C7: variants seen among roughly 807,000 people sequenced by gnomAD.
C7 encodes the protein complement C7.
Under a neutral mutation model 104.8 loss-of-function variants are expected in C7, and 83 were observed. The ratio of observed to expected loss-of-function variants is 0.79; its 90% CI spans 0.66 to 0.95. The LOEUF (loss-of-function observed/expected upper bound fraction) is 0.95. Ranked by LOEUF, C7 falls within the 40% of genes least tolerant of loss-of-function variation. The pLI is 0.00. For missense variants in C7, 1,070 were observed against 1,011.2 expected, an observed-to-expected ratio of 1.06 and a Z score of -0.79; for synonymous variants, 415 against 360.6, an observed-to-expected ratio of 1.15 and a Z score of -1.71.
intron 6 of C7, among the ~76,000 whole-genome samples, chr5:40,940,552 A>C (rs531764238): frequency 1.4e-4 from 22 of 152,342 alleles, no homozygotes; most frequent in Admixed American, 3.3e-4. Context: ...CAAATTAAAA[A>C]CAAAAACAAA....
At chr5:40,966,436 A>G (rs1439548131) in intron 14 of C7, among the ~76,000 whole-genome samples, 1 of 151,752 alleles carries the variant, frequency 6.6e-6, no homozygotes, top group Non-Finnish European at 1.5e-5. Flanking sequence ...CAGTGGCACA[A>G]TCTCAGCTCA....
intron 1 of C7, among the ~76,000 whole-genome samples, chr5:40,922,652 G>T (rs576343771): frequency 1.6e-3 from 239 of 146,436 alleles, no homozygotes; most frequent in African/African-American, 5.9e-3. Context: ...AGTGAGCCAA[G>T]ATCGCACTAC....
chr5:40,935,127 T>C (rs777516494), intron 4 of C7, among the ~76,000 whole-genome samples: 15 of 152,220 alleles, frequency 9.9e-5, no homozygotes, highest in Non-Finnish European at 2.2e-4. Flanking sequence ...GTGATACCTG[T>C]TGAACGCTTA....
chr5:40,938,210 C>T (rs905881200), intron 6 of C7, among the ~76,000 whole-genome samples: 2 of 152,138 alleles, frequency 1.3e-5, no homozygotes, highest in African/African-American at 4.8e-5. Flanking sequence ...TCTCTGATCA[C>T]ATCCCTCTCA....
intron 13 of C7, among the ~76,000 whole-genome samples, chr5:40,962,551 TGTAGGCCCTGGGATGAA>T (rs1290563572): frequency 5.9e-5 from 9 of 152,130 alleles, no homozygotes; most frequent in Non-Finnish European, 4.4e-5. Flanking sequence ...CCCTCATAAC[TGTAGGCCCTGGGATGAA>T]GTATTAGGTT....
At chr5:40,941,762 G>A (rs1295312045) in intron 6 of C7, among the ~76,000 whole-genome samples, 1 of 152,134 alleles carries the variant, frequency 6.6e-6, no homozygotes, top group Admixed American at 6.5e-5. Context: ...CCTCTGAGAT[G>A]GGTAAAGACC....
chr5:40,965,569 G>T (rs1740525608), intron 14 of C7, among the ~76,000 whole-genome samples: 1 of 151,636 alleles, frequency 6.6e-6, no homozygotes, highest in South Asian at 2.1e-4. Flanking sequence ...GATAAATCAA[G>T]CTTGCTTTTG....
chr5:40,935,960 A>G (rs1349581077), intron 4 of C7, among the ~76,000 whole-genome samples: 3 of 151,942 alleles, frequency 2.0e-5, no homozygotes, highest in Non-Finnish European at 4.4e-5. Context: ...AAATTACCAA[A>G]AAAAGCTCAA....
At chr5:40,936,551 T>C in intron 5 of C7, 66 bp downstream of exon 5, 1 of 1,483,388 alleles carries the variant, frequency 6.7e-7, no homozygotes, top group Non-Finnish European at 9.2e-7. Flanking sequence ...TTTTATTTTA[T>C]AGTTTGGTAA....
intron 1 of C7, among the ~76,000 whole-genome samples, chr5:40,918,521 A>G (rs1416218615): frequency 6.6e-6 from 1 of 152,210 alleles, no homozygotes; most frequent in African/African-American, 2.4e-5. Flanking sequence ...GAATAAAAAA[A>G]CAAGAGCCAA....
In C7 at chr5:40,931,108, G is replaced by T. The variant is rs764072783; in HGVS notation, c.107G>T (p.Trp36Leu). 1 of 1,613,452 alleles carries T rather than the reference G, an allele frequency of 6.2e-7. No individual in the cohort carries two copies. Among genetic ancestry groups the T allele is most frequent in the Non-Finnish European group, 8.5e-7 (1 of 1,179,594 alleles). Residue 36 changes from tryptophan to leucine, a missense_variant, in exon 3 of 18, where the codon TGG (tryptophan) becomes TTG (leucine). Coordinates refer to ENST00000313164, the MANE Select transcript of C7 (RefSeq NM_000587.4). ...TGCCAGTGGGACTTCTATGCCCCTT[G>T]GTCAGAATGCAATGGCTGTACCAAG... is the stretch of plus-strand genomic sequence containing the variant. Reference protein sequence around the residue: ...VNCQWDFYAPWSECNGCTKTQ... With the variant: ...VNCQWDFYAPLSECNGCTKTQ...
intron 9 of C7, among the ~76,000 whole-genome samples, chr5:40,951,488 G>T (rs537534483): frequency 1.3e-3 from 195 of 152,214 alleles, no homozygotes; most frequent in African/African-American, 4.6e-3. Context: ...GAGGAATCAA[G>T]GGTTGAAAAA....
At chr5:40,924,488 G>A (rs149719125) in intron 1 of C7, among the ~76,000 whole-genome samples, 1 of 152,222 alleles carries the variant, frequency 6.6e-6, no homozygotes, top group East Asian at 1.9e-4. Flanking sequence ...GGGTCTGGAG[G>A]ACAGTGATCC....
chr5:40,931,727 T>C (rs1036737545), intron 3 of C7, among the ~76,000 whole-genome samples: 45 of 152,232 alleles, frequency 3.0e-4, no homozygotes, highest in African/African-American at 1.0e-3. Context: ...CAGAAAGTTA[T>C]GAAGAAATAA....
chr5:40,913,303 C>A lies in C7; in HGVS notation c.6+3687C>A, dbSNP rs978483685. On this transcript the variant is annotated intron_variant, in intron 1 of 17. Coordinates refer to ENST00000313164, the MANE Select transcript of C7 (RefSeq NM_000587.4). ...CTTTCTGATATAATGATTTCTTTTCCTTTGGGTAGATACCCAGTAGTGGGA... is the reference window on the plus strand; with the variant it reads ...CTTTCTGATATAATGATTTCTTTTCATTTGGGTAGATACCCAGTAGTGGGA... Among the ~76,000 whole-genome samples, 10 of 152,108 alleles carry A rather than the reference C, an allele frequency of 6.6e-5. No homozygotes were observed. In the East Asian group the frequency reaches 1.7e-3, roughly 26 times the overall value.
intron 1 of C7, among the ~76,000 whole-genome samples, chr5:40,918,973 C>T (rs1376521907): frequency 6.6e-6 from 1 of 151,626 alleles, no homozygotes; most frequent in South Asian, 2.1e-4. Context: ...CACACACACA[C>T]ACACACACAC....
Position 40,984,574 on chromosome 5 carries a change from T to C in C7, c.*3001T>C, listed in dbSNP as rs1741024051. Reference sequence around the variant, plus strand: ...GCCCGGCTTATTATGTGTCCACTTATGTGTCCAATTAGTAATCACTTTTTC... The same window carrying C: ...GCCCGGCTTATTATGTGTCCACTTACGTGTCCAATTAGTAATCACTTTTTC... On this transcript the variant is annotated 3_prime_UTR_variant, in exon 18 of 18. Transcript: ENST00000313164. 6.6e-6 allele frequency among the ~76,000 whole-genome samples: 1 copy of C among 152,250 alleles called. No individual in the cohort carries two copies. The highest frequency in any genetic ancestry group is 2.4e-5 in the African/African-American group (1 of 41,472).
At chr5:40,968,396 G>A (rs1289327277) in intron 14 of C7, among the ~76,000 whole-genome samples, 1 of 151,558 alleles carries the variant, frequency 6.6e-6, no homozygotes, top group African/African-American at 2.4e-5. Flanking sequence ...AAAGTGCTGG[G>A]ACTACAGGCA....
chr5:40,930,584 A>T (rs1245256984), intron 2 of C7, among the ~76,000 whole-genome samples: 1 of 151,422 alleles, frequency 6.6e-6, no homozygotes, highest in Non-Finnish European at 1.5e-5. Context: ...TTTTTTTGTG[A>T]TGGAGACTCC....
Sources: allele counts gnomAD v4.1 joint callset (sites outside exome capture counted in the v4.1 genomes callset), GRCh38; gene constraint gnomAD v4.1.1; transcripts MANE v1.5; gene names NCBI Gene and HGNC (gene_info 2026-07-23, HGNC 2026-07-21).